NLRP5: variants seen among roughly 807,000 people sequenced by gnomAD.
NLRP5 encodes NLR family pyrin domain containing 5.
Under a neutral mutation model 113.1 loss-of-function variants are expected in NLRP5, and 93 were observed. That is an observed-to-expected ratio of 0.82 (90% confidence interval 0.70 to 0.98). The LOEUF is 0.98. Ranked by LOEUF, NLRP5 falls within the 50% of genes least tolerant of loss-of-function variation. The probability of loss-of-function intolerance (pLI) is 0.00; values close to 1 mark genes in which losing one functional copy is unlikely to be tolerated. For synonymous variants in NLRP5, 751 were observed against 600.7 expected (o/e 1.25, Z -3.66); for missense variants, 1,808 against 1,514.3 (o/e 1.19, Z -3.22).
the NLRP5 span, chr19:55,988,631 C>T: frequency 6.6e-6 from 1 of 151,880 alleles, no homozygotes; most frequent in Non-Finnish European, 1.5e-5. Context: ...GTCCCTAGAC[C>T]ATACTCGTTT....
At chr19:56,015,615 T>TAGAG in intron 3 of NLRP5, 127 bp from the exon 4 acceptor site, 1 of 630,744 alleles carries the variant, frequency 1.6e-6, no homozygotes, top group East Asian at 3.0e-5. Context: ...AGCCAGTGGT[T>TAGAG]CTGTGCTCTA....
At chr19:55,990,079 C>CTTTTTTTTTTTTTTTTTTTTTT in the NLRP5 span, among the ~76,000 whole-genome samples, 18 of 95,958 alleles carry the variant, frequency 1.9e-4, no homozygotes, top group South Asian at 1.0e-3. Context: ...TTTCTTTTTT[C>CTTTTTTTTTTTTTTTTTTTTTT]TTTTTTTTTT....
At chr19:56,059,707 A>C (rs934010002) in intron 14 of NLRP5, among the ~76,000 whole-genome samples, 2 of 151,792 alleles carry the variant, frequency 1.3e-5, no homozygotes, top group African/African-American at 4.8e-5. Flanking sequence ...GCTAATTTTT[A>C]CATTTTTAGT....
At chr19:56,058,169 A>T (rs931072793) in intron 13 of NLRP5, 71 bp from the exon 14 acceptor site, 1 of 1,164,126 alleles carries the variant, frequency 8.6e-7, no homozygotes, top group African/African-American at 1.6e-5. Flanking sequence ...TCAAGGTGAA[A>T]TTCATACGGG....
intron 8 of NLRP5, 80 bp from the exon 9 acceptor site, chr19:56,033,462 T>C: frequency 6.3e-6 from 7 of 1,111,790 alleles, no homozygotes; most frequent in South Asian, 5.8e-5. Context: ...CAAGTTAGAA[T>C]GGGAGAAGGA....
At chr19:56,056,723 TTTATAAATGCTTAGATATTA>T (rs2077161830) in intron 13 of NLRP5, among the ~76,000 whole-genome samples, 1 of 152,250 alleles carries the variant, frequency 6.6e-6, no homozygotes, top group South Asian at 2.1e-4. Flanking sequence ...ATGTTTTGTC[TTTATAAATGCTTAGATATTA>T]TTTTAGAAGC....
intron 4 of NLRP5, 89 bp downstream of exon 4, chr19:56,015,887 A>T: frequency 2.1e-6 from 2 of 952,838 alleles, no homozygotes; most frequent in Non-Finnish European, 1.5e-6. Context: ...GGGGAAATCC[A>T]CTTTCCCTTT....
At chr19:56,032,170 C>A (rs1983141388) in intron 7 of NLRP5, among the ~76,000 whole-genome samples, 1 of 151,986 alleles carries the variant, frequency 6.6e-6, no homozygotes, top group African/African-American at 2.4e-5. Context: ...CATGGTGAAA[C>A]CCCATCTCTA....
chr19:56,055,739 G>A (rs186480440), intron 13 of NLRP5, among the ~76,000 whole-genome samples: 3 of 151,090 alleles, frequency 2.0e-5, no homozygotes, highest in East Asian at 1.9e-4. Context: ...TAGAGACGGG[G>A]TTTCACCGTG....
chr19:56,016,028 TAAG>T (rs1043230649), intron 4 of NLRP5, among the ~76,000 whole-genome samples: 1 of 152,222 alleles, frequency 6.6e-6, no homozygotes, highest in Non-Finnish European at 1.5e-5. Context: ...AACTGAAAAA[TAAG>T]AATTGTATAT....
intron 6 of NLRP5, among the ~76,000 whole-genome samples, chr19:56,025,946 C>T (rs1390023588): frequency 6.6e-6 from 1 of 151,944 alleles, no homozygotes; most frequent in African/African-American, 2.4e-5. Flanking sequence ...ACTGAAGGTC[C>T]AAGAGTGAGT....
intron 7 of NLRP5, among the ~76,000 whole-genome samples, chr19:56,032,123 G>T (rs1316301699): frequency 6.6e-6 from 1 of 152,198 alleles, no homozygotes; most frequent in East Asian, 1.9e-4. Context: ...GGCGGGGGCA[G>T]ATCATGAGAT....
At chr19:56,001,230 T>A (rs1346992576) in intron 1 of NLRP5, among the ~76,000 whole-genome samples, 1 of 141,326 alleles carries the variant, frequency 7.1e-6, no homozygotes, top group African/African-American at 2.6e-5. Flanking sequence ...AAGGCTGAGG[T>A]GGGAAGCTTG....
chr19:55,994,994 C>T (rs1001739067), upstream of NLRP5, among the ~76,000 whole-genome samples: 2 of 152,146 alleles, frequency 1.3e-5, no homozygotes, highest in Non-Finnish European at 2.9e-5. Flanking sequence ...ACCTAGTGAA[C>T]ACAGTGTACT....
At chr19:56,019,010 G>A (rs1190870435) in intron 4 of NLRP5, among the ~76,000 whole-genome samples, 2 of 151,710 alleles carry the variant, frequency 1.3e-5, no homozygotes, top group East Asian at 3.9e-4. Flanking sequence ...TGGTCAGGCT[G>A]GCCTCGAACC....
intron 7 of NLRP5, among the ~76,000 whole-genome samples, chr19:56,029,321 C>A (rs942331072): frequency 6.6e-5 from 10 of 152,114 alleles, no homozygotes; most frequent in African/African-American, 2.4e-4. Context: ...GGCTGGAGTA[C>A]AGCAGCATGA....
Position 56,020,250 on chromosome 19 carries a change from C to T in NLRP5, c.623-125C>T, listed in dbSNP as rs115569687. ...AGTGCACTCTGTCTTCTAGTTGAGC[C>T]GGTGGTTGTCATGTTTTCAACTGGC... On this transcript the variant is annotated intron_variant, in intron 5 of 14. Coordinates refer to ENST00000390649, the MANE Select transcript of NLRP5 (RefSeq NM_153447.4). The T allele has an allele frequency of 3.9e-4, 432 of 1,094,470 alleles. 10 individuals carry two copies. In the African/African-American group the frequency reaches 4.2e-3, roughly 11 times the overall value. The allele number at this position is 1,094,470 out of a possible 1,614,324, so 67.8% of individuals were successfully genotyped here.
intron 11 of NLRP5, among the ~76,000 whole-genome samples, chr19:56,050,199 G>C (rs1983878226): frequency 6.6e-6 from 1 of 151,372 alleles, no homozygotes; most frequent in Non-Finnish European, 1.5e-5. Context: ...AGAATCTCTT[G>C]TGTCCAGGAG....
chr19:56,055,810 G>A (rs543851080), intron 13 of NLRP5, among the ~76,000 whole-genome samples: 30 of 152,018 alleles, frequency 2.0e-4, no homozygotes, highest in African/African-American at 4.1e-4. Flanking sequence ...CTCCCAAAGT[G>A]CTGGGATTAC....
Sources: allele counts gnomAD v4.1 joint callset (sites outside exome capture counted in the v4.1 genomes callset), GRCh38; gene constraint gnomAD v4.1.1; transcripts MANE v1.5; gene names NCBI Gene and HGNC (gene_info 2026-07-23, HGNC 2026-07-21).